Variants in LAMB1 observed in about 807,000 individuals in gnomAD.
The protein encoded by LAMB1 is laminin subunit beta 1.
Under a neutral mutation model 222.3 loss-of-function variants are expected in LAMB1, and 121 were observed. The observed-to-expected ratio is 0.54, with a 90% CI of 0.47 to 0.63. LAMB1 has a LOEUF of 0.63. LAMB1 is among the 30% of genes least tolerant of loss of function. The pLI, the probability that LAMB1 is intolerant of heterozygous loss-of-function variation, is 0.00. For missense variants in LAMB1, 2,172 were observed against 2,240.8 expected, an observed-to-expected ratio of 0.97 and a Z score of 0.62; for synonymous variants, 794 against 807.2, an observed-to-expected ratio of 0.98 and a Z score of 0.28.
chr7:107,972,853 G>A, intron 13 of LAMB1, 139 bp downstream of exon 13: 1 of 683,574 alleles, frequency 1.5e-6, no homozygotes. Flanking sequence ...AGTCCATAGA[G>A]GTACCTACAC....
In LAMB1 at chr7:107,964,633, C is replaced by A. The variant is rs2033589374; in HGVS notation, c.1617G>T (p.Gln539His). 2.5e-6 allele frequency: 4 copies of A among 1,614,172 alleles called. No homozygotes were observed. Among genetic ancestry groups the A allele is most frequent in the Non-Finnish European group, 3.4e-6 (4 of 1,180,030 alleles). Residue 539 changes from glutamine (Q) to histidine (H), a missense_variant, in exon 14 of 34, where the codon CAG (glutamine) becomes CAT (histidine). Gln to His is a conservative substitution (Grantham distance 24, BLOSUM62 0). Coordinates refer to ENST00000222399, the MANE Select transcript of LAMB1 (RefSeq NM_002291.3). The part of the protein sequence containing the change: ...CSCRPHMIGR[Q>H]CNEVEPGYYF... ...AGTAACCAGGTTCCACTTCGTTGCA[C>A]TGACGTCCAATCATGTGAGGCCGGC...
At chr7:107,929,666 G>T in intron 29 of LAMB1, 47 bp from the exon 30 acceptor site, 1 of 1,500,298 alleles carries the variant, frequency 6.7e-7, no homozygotes, top group South Asian at 1.1e-5. Flanking sequence ...AAGAATAGAT[G>T]GTTCATTCAT....
intron 32 of LAMB1, 47 bp from the exon 33 acceptor site, chr7:107,924,436 G>C: frequency 1.4e-6 from 2 of 1,457,318 alleles, no homozygotes; most frequent in Non-Finnish European, 1.9e-6. Flanking sequence ...GTTAGTGTCA[G>C]TAATTACATT....
chr7:107,958,222 T>C (rs1254000628), intron 20 of LAMB1, among the ~76,000 whole-genome samples: 1 of 152,214 alleles, frequency 6.6e-6, no homozygotes, highest in Non-Finnish European at 1.5e-5. Flanking sequence ...AATTTCCTCC[T>C]TTCACTGTTG....
At position 107,963,074 on chromosome 7, in the gene LAMB1, G is replaced by A. The variant is rs750398696; in HGVS notation, c.1699-11C>T. 2 of 1,587,790 alleles carry A rather than the reference G, an allele frequency of 1.3e-6. No individual in the cohort carries two copies. The highest frequency in any genetic ancestry group is 2.7e-5 in the African/African-American group (2 of 74,016). ...CACTATGCTAACCCCCTGAGGGCAT[G>A]GCAAACAATGGTTATTCTGTATTTG... is the stretch of plus-strand genomic sequence containing the variant. On this transcript the variant is annotated splice_polypyrimidine_tract_variant and intron_variant, in intron 14 of 33. Transcript: ENST00000222399.
chr7:107,944,272 T>A (rs1324691675), intron 24 of LAMB1, among the ~76,000 whole-genome samples: 1 of 152,212 alleles, frequency 6.6e-6, no homozygotes, highest in East Asian at 1.9e-4. Context: ...TTGCTCCCAT[T>A]CTGTCATAGG....
In LAMB1 at chr7:107,973,031, C is replaced by G. The variant is rs371601447; in HGVS notation, c.1523G>C (p.Arg508Pro). The G allele has an allele frequency of 6.2e-7, 1 of 1,613,976 alleles. No homozygotes were observed. Among genetic ancestry groups the G allele is most frequent in the Non-Finnish European group, 8.5e-7 (1 of 1,179,892 alleles). Residue 508 changes from arginine to proline, a missense_variant, in exon 13 of 34, where the codon CGA becomes CCA. Physicochemically the swap from Arg to Pro is moderately radical, Grantham distance 103. Coordinates refer to ENST00000222399, the MANE Select transcript of LAMB1 (RefSeq NM_002291.3). ...WGLSNDLDGC[R>P]PCDCDLGGAL... Reference sequence around the variant, plus strand: ...TCCCCCAAGGTCACAGTCACATGGTCGACATCCATCCAAATCATTGCTTAA... The same window carrying G: ...TCCCCCAAGGTCACAGTCACATGGTGGACATCCATCCAAATCATTGCTTAA...
chr7:107,993,717 G>A (rs1298303684), intron 5 of LAMB1, among the ~76,000 whole-genome samples: 1 of 152,186 alleles, frequency 6.6e-6, no homozygotes, highest in African/African-American at 2.4e-5. Flanking sequence ...CTTGTAGGCC[G>A]ATGAGCATCA....
chr7:108,001,441 G>T, intron 3 of LAMB1, 117 bp downstream of exon 3: 1 of 1,175,954 alleles, frequency 8.5e-7, no homozygotes, highest in Non-Finnish European at 1.2e-6. Flanking sequence ...GGACTCCCCG[G>T]CTGGCTGCGC....
intron 3 of LAMB1, among the ~76,000 whole-genome samples, chr7:108,000,369 T>G (rs1251250274): frequency 2.0e-5 from 3 of 152,206 alleles, no homozygotes; most frequent in Admixed American, 2.0e-4. Context: ...TTTGTAAAAG[T>G]GACTCCATTT....
chr7:107,946,671 C>T (rs575707315), intron 24 of LAMB1, among the ~76,000 whole-genome samples: 1 of 152,266 alleles, frequency 6.6e-6, no homozygotes, highest in Non-Finnish European at 1.5e-5. Context: ...CAAGACTTCA[C>T]TCTACTGACA....
chr7:107,961,214 T>C lies in LAMB1; in HGVS notation c.2101A>G (p.Ile701Val). 6.2e-7 allele frequency: 1 copy of C among 1,614,040 alleles called. No individual in the cohort carries two copies. Among genetic ancestry groups the C allele is most frequent in the Non-Finnish European group, 8.5e-7 (1 of 1,180,004 alleles). ...DSDVESPYTL[I>V]DSLVLMPYCK... ...AGCAATCTCGCACTTACAGAATCGA[T>C]CAGCGTGTAGGGGCTCTCCACGTCG... is the stretch of plus-strand genomic sequence containing the variant. Residue 701 changes from isoleucine to valine, a missense_variant, in exon 17 of 34, where the codon ATC becomes GTC. Transcript: ENST00000222399.
chr7:107,932,493 G>A, intron 27 of LAMB1, 116 bp from the exon 28 acceptor site: 3 of 923,846 alleles, frequency 3.2e-6, no homozygotes, highest in Non-Finnish European at 5.2e-6. Flanking sequence ...CAGCAAGGGT[G>A]CTTGAAAACA....
Position 107,952,141 on chromosome 7 carries a change from G to A in LAMB1, c.3162C>T (p.Cys1054=). Residue 1054 remains cysteine (C), a synonymous_variant, in exon 23 of 34, where the codon TGC becomes TGT. Coordinates refer to ENST00000222399, the MANE Select transcript of LAMB1 (RefSeq NM_002291.3). ...DCQCDKATGQ[C]LCLPNVIGQN... is the part of the protein sequence containing the mutation. ...GCCCGATCACATTAGGAAGACACAA[G>A]CACTGACCAGTGGCTTTGTCGCACT... 6.2e-7 allele frequency: 1 copy of A among 1,613,988 alleles called. No individual in the cohort carries two copies. Among genetic ancestry groups the A allele is most frequent in the African/African-American group, 1.3e-5 (1 of 75,060 alleles).
chr7:108,002,708 C>T, intron 2 of LAMB1, 141 bp downstream of exon 2: 2 of 1,194,530 alleles, frequency 1.7e-6, no homozygotes, highest in Non-Finnish European at 2.4e-6. Flanking sequence ...AGGGCGGTGG[C>T]GTTTAATCCC....
At chr7:107,987,703 T>C (rs564537640) in intron 5 of LAMB1, among the ~76,000 whole-genome samples, 3 of 152,308 alleles carry the variant, frequency 2.0e-5, no homozygotes, top group African/African-American at 7.2e-5. Flanking sequence ...GGTTTCACCA[T>C]GTTGGCCAGG....
At chr7:107,955,408 G>C (rs1419413760) in intron 21 of LAMB1, 59 bp downstream of exon 21, 1 of 1,431,522 alleles carries the variant, frequency 7.0e-7, no homozygotes, top group Non-Finnish European at 9.5e-7. Context: ...CATTAACAAT[G>C]AACTCATAAA....
rs777329329 is a variant in LAMB1 at position 107,978,040 on chromosome 7, G to A, written c.1000+7C>T. ...GGATTTAAAATGTCCCTTCAACACA[G>A]ACTTACTTTTACAGGCGTTGCTGTT... On this transcript the variant is annotated splice_region_variant and intron_variant, in intron 9 of 33. Transcript: ENST00000222399. The A allele has an allele frequency of 6.2e-6, 10 of 1,614,014 alleles. No homozygotes were observed. In the South Asian group the frequency reaches 1.1e-4, roughly 18 times the overall value.
In LAMB1 at chr7:107,964,155, C is replaced by T. The variant is rs200420421; in HGVS notation, c.1698+397G>A. 3.9e-5 allele frequency among the ~76,000 whole-genome samples: 6 copies of T among 152,294 alleles called. No homozygotes were observed. The East Asian group carries it at 1.2e-3, about 29-fold the overall frequency. On this transcript the variant is annotated intron_variant, in intron 14 of 33. Coordinates refer to ENST00000222399, the MANE Select transcript of LAMB1 (RefSeq NM_002291.3). ...TGGAGAGAAATGCCCAGCCAGCCTCCAGCTGTTTCAGCCACCCCAGCTCAA... is the reference window on the plus strand; with the variant it reads ...TGGAGAGAAATGCCCAGCCAGCCTCTAGCTGTTTCAGCCACCCCAGCTCAA...
Sources: gnomAD v4.1 joint callset for allele counts (sites outside exome capture counted in the v4.1 genomes callset) on GRCh38, gnomAD v4.1.1 for gene constraint, MANE v1.5 for transcripts, NCBI Gene and HGNC (gene_info 2026-07-23, HGNC 2026-07-21) for gene names.